The following POLE variants were observed in gnomAD, a reference collection of about 807,000 sequenced individuals.
The protein encoded by POLE is DNA polymerase epsilon catalytic subunit A.
A neutral mutation model predicts 279.2 loss-of-function variants in POLE; 188 were observed. That is an observed-to-expected ratio of 0.67 (90% CI 0.60 to 0.76). The LOEUF is 0.76. POLE is among the 30% of genes least tolerant of loss of function. The pLI, the probability that POLE is intolerant of heterozygous loss-of-function variation, is 0.00. For synonymous variants in POLE, 1,214 were observed against 1,172.5 expected (o/e 1.04, Z -0.72); for missense variants, 2,703 against 3,016.7 (o/e 0.90, Z 2.44).
chr12:132,635,487 C>T (rs1327785529), intron 42 of POLE, among the ~76,000 whole-genome samples: 1 of 152,246 alleles, frequency 6.6e-6, no homozygotes, highest in African/African-American at 2.4e-5. Flanking sequence ...GAGGCCCTGC[C>T]CTGCCATGCC....
Position 132,672,165 on chromosome 12 carries a change from G to A in POLE, c.1794+50C>T, listed in dbSNP as rs373229959. On this transcript the variant is annotated intron_variant, in intron 16 of 48. Transcript: ENST00000320574. ...CGTGCTGCTGAAAGACGTGGTCTGT[G>A]AAGAAGGCGCCAAACACAGACTGGC... The A allele has an allele frequency of 3.1e-6, 4 of 1,297,740 alleles. No homozygotes were observed. In the African/African-American group the frequency reaches 5.8e-5, roughly 19 times the overall value. 80.4% of individuals were successfully genotyped at this position (1,297,740 alleles called of 1,614,324 possible). A position where few individuals can be genotyped will look rare whatever the true frequency, so the allele number is the denominator to read the frequency against.
chr12:132,681,614 C>T (rs956023378), intron 1 of POLE, among the ~76,000 whole-genome samples: 17 of 152,110 alleles, frequency 1.1e-4, no homozygotes, highest in Non-Finnish European at 2.1e-4. Context: ...CAACCCTCAT[C>T]CCACCTAGTG....
intron 39 of POLE, chr12:132,640,975 G>A (rs1260317293): frequency 4.4e-6 from 2 of 456,580 alleles, no homozygotes; most frequent in South Asian, 1.5e-5. Context: ...CTACAGCTGA[G>A]TACAGGCTCT....
chr12:132,631,519 T>C (rs2041932607), intron 45 of POLE, among the ~76,000 whole-genome samples: 1 of 152,232 alleles, frequency 6.6e-6, no homozygotes, highest in Non-Finnish European at 1.5e-5. Context: ...ACCTTGAGGC[T>C]GTCACCTGAT....
chr12:132,683,773 A>C (rs962307196), intron 1 of POLE, among the ~76,000 whole-genome samples: 6 of 152,256 alleles, frequency 3.9e-5, no homozygotes, highest in Non-Finnish European at 7.3e-5. Context: ...TGGATTAAGT[A>C]GACTAGAAAA....
rs779550685 is a variant in POLE at position 132,673,171 on chromosome 12, G to C, written c.1466C>G (p.Pro489Arg). The C allele has an allele frequency of 6.2e-7, 1 of 1,600,142 alleles. No individual in the cohort carries two copies. The highest frequency in any genetic ancestry group is 8.6e-7 in the Non-Finnish European group (1 of 1,167,190). Residue 489 changes from proline (P) to arginine (R), a missense_variant, in exon 14 of 49, where the codon CCC (proline) becomes CGC (arginine). Around this residue, in one of 5 missense-constraint regions of POLE, gnomAD observed 1,011 missense variants for 1,111.7 expected, o/e 0.91. Transcript: ENST00000320574. ...FALCTIIPME[P>R]DEVLRKGSGT... ...AGGACAGATAATGCTCACCTCGTCGGGCTCCATGGGAATAATGGTGCACAG... is the reference window on the plus strand; with the variant it reads ...AGGACAGATAATGCTCACCTCGTCGCGCTCCATGGGAATAATGGTGCACAG...
Position 132,681,001 on chromosome 12 carries a change from G to A in POLE, c.204+137C>T, listed in dbSNP as rs2043153946. The A allele has an allele frequency of 6.9e-6, 7 of 1,013,306 alleles. No homozygotes were observed. In the South Asian group the frequency reaches 1.2e-4, roughly 17 times the overall value. The allele number at this position is 1,013,306 out of a possible 1,614,324, so 62.8% of individuals were successfully genotyped here. ...CTCAATGACGTTAAAGAGGAAAGGA[G>A]AGCTGGGAACCTTCACATCTCCCAC... On this transcript the variant is annotated intron_variant, in intron 2 of 48. Transcript: ENST00000320574.
intron 47 of POLE, chr12:132,625,359 T>G (rs2041812973): frequency 1.4e-6 from 1 of 734,006 alleles, no homozygotes; most frequent in Non-Finnish European, 2.5e-6. Flanking sequence ...GTGGCCGAGC[T>G]GTGCAACTCC....
At position 132,675,251 on chromosome 12, in the gene POLE, G is replaced by A. The variant is rs956494512; in HGVS notation, c.1226+147C>T. The A allele has an allele frequency of 1.2e-5, 11 of 925,088 alleles. No individual in the cohort carries two copies. The highest frequency in any genetic ancestry group is 2.6e-4 in the Middle Eastern group (1 of 3,866). The allele number at this position is 925,088 out of a possible 1,614,324, so 57.3% of individuals were successfully genotyped here. A position where few individuals can be genotyped will look rare whatever the true frequency, so the allele number is the denominator to read the frequency against. ...GCACATCCCGGGCCCTGGCAGGGTT[G>A]CAGCTGCCATACTCTTGGGTGACCT... On this transcript the variant is annotated intron_variant, in intron 12 of 48. Coordinates refer to ENST00000320574, the MANE Select transcript of POLE (RefSeq NM_006231.4). This position sits in a 1 kb window ranked among gnomAD's most constrained non-coding sequence, Gnocchi z 4.3.
chr12:132,667,775 G>A lies in POLE; in HGVS notation c.2174-127C>T, dbSNP rs138287580. The A allele has an allele frequency of 3.0e-6, 3 of 1,005,690 alleles. No homozygotes were observed. The African/African-American group carries it at 4.8e-5, about 16-fold the overall frequency. 62.3% of individuals were successfully genotyped at this position (1,005,690 alleles called of 1,614,324 possible). On this transcript the variant is annotated intron_variant, in intron 19 of 48. Transcript: ENST00000320574. ...AAAGGAGCAACAGCTCAGATACACT[G>A]CTAGTTTCTCATACCGAAAAAGGTG...
intron 16 of POLE, among the ~76,000 whole-genome samples, chr12:132,670,141 C>G (rs770416126): frequency 6.6e-6 from 1 of 151,828 alleles, no homozygotes; most frequent in Non-Finnish European, 1.5e-5. Context: ...GGAGGCCAAG[C>G]GGGCAGATCA....
rs780758461 is a variant in POLE at position 132,664,404 on chromosome 12, T to C, written c.2527A>G (p.Ile843Val). Residue 843 changes from isoleucine (I) to valine (V), a missense_variant, in exon 22 of 49, where the codon ATC becomes GTC. Coordinates refer to ENST00000320574, the MANE Select transcript of POLE (RefSeq NM_006231.4). This position sits in a 1 kb window ranked among gnomAD's most constrained non-coding sequence, Gnocchi z 5.3. ...GIVCFTGANIITQARELIEQI... is the reference protein window; with the variant it reads ...GIVCFTGANIVTQARELIEQI... Reference sequence around the variant, plus strand: ...TCGATCAGCTCCCGTGCCTGGGTGATGATGTTGGCCCCTGTGAAGCAGACG... The same window carrying C: ...TCGATCAGCTCCCGTGCCTGGGTGACGATGTTGGCCCCTGTGAAGCAGACG... The C allele has an allele frequency of 2.5e-5, 41 of 1,613,834 alleles. No individual in the cohort carries two copies. The highest frequency in any genetic ancestry group is 3.4e-5 in the Non-Finnish European group (40 of 1,179,980).
intron 39 of POLE, 161 bp downstream of exon 39, chr12:132,641,486 A>C (rs1347849634): frequency 1.5e-6 from 1 of 647,236 alleles, no homozygotes; most frequent in African/African-American, 1.8e-5. Flanking sequence ...ACAGTGGTAA[A>C]GACAATAGAC....
At chr12:132,635,133 C>T (rs899972960) in intron 42 of POLE, among the ~76,000 whole-genome samples, 3 of 152,170 alleles carry the variant, frequency 2.0e-5, no homozygotes, top group African/African-American at 7.2e-5. Context: ...CACCCAGCCA[C>T]TCTCTGGCCA....
chr12:132,658,896 A>AAAAAAAAAAG (rs1565955271), intron 26 of POLE, among the ~76,000 whole-genome samples: 1 of 150,922 alleles, frequency 6.6e-6, no homozygotes, highest in African/African-American at 2.4e-5. Flanking sequence ...AAAAAAAAAA[A>AAAAAAAAAAG]AAAAAAAAAA....
Position 132,624,631 on chromosome 12 carries a change from C to T in POLE, c.*66G>A, listed in dbSNP as rs5745084. The T allele has an allele frequency of 1.7e-3, 1,574 of 909,050 alleles. 8 individuals carry two copies. Among genetic ancestry groups the T allele is most frequent in the South Asian group, 8.8e-3 (680 of 76,922 alleles). 56.3% of individuals were successfully genotyped at this position (909,050 alleles called of 1,614,324 possible). On this transcript the variant is annotated 3_prime_UTR_variant, in exon 49 of 49. Coordinates refer to ENST00000320574, the MANE Select transcript of POLE (RefSeq NM_006231.4). ...GTCAGTGGTCTGGTCACTGGAAGCA[C>T]GGGGATGTGGCCTTGGCATCAGGAG...
Position 132,679,938 on chromosome 12 carries a change from T to G in POLE, c.423+16A>C. On this transcript the variant is annotated intron_variant, in intron 5 of 48. Transcript: ENST00000320574. Reference sequence around the variant, plus strand: ...TCTGGCCTCATTTACCCCTGGAAAGTCTGGGTGATACTCACCAAGTCCAGA... The same window carrying G: ...TCTGGCCTCATTTACCCCTGGAAAGGCTGGGTGATACTCACCAAGTCCAGA... The G allele has an allele frequency of 6.3e-7, 1 of 1,575,512 alleles. No individual in the cohort carries two copies. Among genetic ancestry groups the G allele is most frequent in the Non-Finnish European group, 8.7e-7 (1 of 1,150,358 alleles).
chr12:132,633,089 A>C, intron 43 of POLE: 2 of 238,448 alleles, frequency 8.4e-6, no homozygotes, highest in Non-Finnish European at 8.1e-6. Context: ...CTCCCAACAC[A>C]AGCAAAGGCA....
Position 132,634,103 on chromosome 12 carries a change from T to TG in POLE, c.6004+82dup. The TG allele has an allele frequency of 1.6e-6, 2 of 1,263,588 alleles. No individual in the cohort carries two copies. Among genetic ancestry groups the TG allele is most frequent in the Non-Finnish European group, 2.2e-6 (2 of 898,914 alleles). 78.3% of individuals were successfully genotyped at this position (1,263,588 alleles called of 1,614,324 possible). A position where few individuals can be genotyped will look rare whatever the true frequency, so the allele number is the denominator to read the frequency against. On this transcript the variant is annotated intron_variant, in intron 43 of 48. Transcript: ENST00000320574. The surrounding 1 kb of genome is among the most constrained non-coding windows in gnomAD (Gnocchi z 4.0). The stretch of plus-strand genomic sequence containing the variant: ...ATCTGATTTTCCCTGTCTCCCTTCT[T>TG]GCGATACCATGGCACAGGAGCCACA...
Sources: gnomAD v4.1 joint callset for allele counts (sites outside exome capture counted in the v4.1 genomes callset) on GRCh38, gnomAD v4.1.1 for gene constraint, gnomAD v4.1.1 regional missense constraint, Gnocchi (gnomAD v3.1) non-coding constraint, MANE v1.5 for transcripts, NCBI Gene and HGNC (gene_info 2026-07-23, HGNC 2026-07-21) for gene names.